Variants in LARGE1 observed in about 807,000 individuals in gnomAD.
LARGE1 encodes xylosyl- and glucuronyltransferase LARGE1.
LARGE1 carries 43 observed loss-of-function variants against 87.6 expected under a neutral mutation model. The ratio of observed to expected loss-of-function variants is 0.49; its 90% confidence interval spans 0.38 to 0.63. The LOEUF (loss-of-function observed/expected upper bound fraction) is 0.63. Ranked by LOEUF, LARGE1 falls within the 30% of genes least tolerant of loss-of-function variation. The probability of loss-of-function intolerance (pLI) is 0.00; values close to 1 mark genes in which losing one functional copy is unlikely to be tolerated. For missense variants in LARGE1, 802 were observed against 1,000.2 expected (o/e 0.80, Z 2.67); for synonymous variants, 434 against 394.6 (o/e 1.10, Z -1.18).
chr22:33,665,965 T>C (rs1421146751), intron 2 of LARGE1, among the ~76,000 whole-genome samples: 1 of 151,128 alleles, frequency 6.6e-6, no homozygotes, highest in Non-Finnish European at 1.5e-5. Flanking sequence ...TTGCAAGATT[T>C]ACTGCAAAAA....
chr22:33,580,617 G>A (rs888302097), intron 5 of LARGE1, among the ~76,000 whole-genome samples: 2 of 152,102 alleles, frequency 1.3e-5, no homozygotes, highest in African/African-American at 2.4e-5. Context: ...CCTTTATAAC[G>A]GCTGGTTTTG....
At chr22:33,888,219 A>C (rs927559454) in intron 1 of LARGE1, among the ~76,000 whole-genome samples, 9 of 152,186 alleles carry the variant, frequency 5.9e-5, no homozygotes, top group Admixed American at 5.2e-4. Context: ...GAAGATGCTT[A>C]TATTAATTTT....
chr22:33,217,979 G>C (rs1301666562), intron 11 of LARGE1, among the ~76,000 whole-genome samples: 1 of 151,806 alleles, frequency 6.6e-6, no homozygotes, highest in Non-Finnish European at 1.5e-5. Context: ...GCCCAGGCTG[G>C]AGTGGAGTGG....
chr22:33,858,257 G>A (rs1392012553), intron 1 of LARGE1, among the ~76,000 whole-genome samples: 1 of 152,206 alleles, frequency 6.6e-6, no homozygotes, highest in Non-Finnish European at 1.5e-5. Flanking sequence ...TGGATCCAGA[G>A]GGATGGAAGT....
At chr22:33,591,136 G>C (rs879575915) in intron 5 of LARGE1, among the ~76,000 whole-genome samples, 1 of 152,240 alleles carries the variant, frequency 6.6e-6, no homozygotes, top group Non-Finnish European at 1.5e-5. Context: ...GCGAGGCGGA[G>C]GTTGCAGTGA....
At chr22:33,243,520 C>A (rs369502486) in intron 11 of LARGE1, among the ~76,000 whole-genome samples, 1 of 152,140 alleles carries the variant, frequency 6.6e-6, no homozygotes, top group Non-Finnish European at 1.5e-5. Flanking sequence ...TAATGTCAGG[C>A]AATTTTTCTG....
chr22:33,797,540 CGGTGGTT>C (rs2086024719), intron 1 of LARGE1, among the ~76,000 whole-genome samples: 1 of 152,178 alleles, frequency 6.6e-6, no homozygotes, highest in South Asian at 2.1e-4. Flanking sequence ...GAGGAGCCAA[CGGTGGTT>C]GGAGGCAGAG....
chr22:33,618,210 T>C (rs939154495), intron 4 of LARGE1, among the ~76,000 whole-genome samples: 3 of 152,132 alleles, frequency 2.0e-5, no homozygotes, highest in African/African-American at 4.8e-5. Flanking sequence ...CCAAGTGCCT[T>C]TGATGATATG....
intron 7 of LARGE1, among the ~76,000 whole-genome samples, chr22:33,394,116 G>A (rs1232777404): frequency 6.7e-6 from 1 of 148,334 alleles, no homozygotes; most frequent in Non-Finnish European, 1.5e-5. Flanking sequence ...TAAACAGGGT[G>A]ACAATGATGA....
intron 6 of LARGE1, among the ~76,000 whole-genome samples, chr22:33,435,071 G>A (rs117360642): frequency 0.011 from 1,621 of 152,208 alleles, 16 homozygotes; most frequent in Non-Finnish European, 0.015. Flanking sequence ...GCGCCATCTC[G>A]GCTCACTGCA....
At chr22:33,297,895 G>A (rs918820133) in intron 12 of LARGE1, among the ~76,000 whole-genome samples, 11 of 148,180 alleles carry the variant, frequency 7.4e-5, no homozygotes, top group African/African-American at 2.5e-4. Flanking sequence ...CAGGAGAATC[G>A]CTTGAACCCG....
chr22:33,328,352 T>C (rs185371398), intron 10 of LARGE1, among the ~76,000 whole-genome samples: 7,093 of 151,972 alleles, frequency 0.047, 284 homozygotes, highest in African/African-American at 0.12. Context: ...GAGGCTGAGG[T>C]GGGTGGATCA....
the LARGE1 span, among the ~76,000 whole-genome samples, chr22:33,143,548 A>G: frequency 6.6e-6 from 1 of 152,296 alleles, no homozygotes; most frequent in African/African-American, 2.4e-5. Flanking sequence ...TCATAATAAA[A>G]TTAACCCATT....
At chr22:33,302,375 TCG>T (rs1162131394) in intron 12 of LARGE1, among the ~76,000 whole-genome samples, 3 of 151,904 alleles carry the variant, frequency 2.0e-5, no homozygotes, top group Admixed American at 2.0e-4. Flanking sequence ...TGCCTAGGGG[TCG>T]CTGACCCTAC....
At chr22:33,833,915 G>A (rs1431824213) in intron 1 of LARGE1, among the ~76,000 whole-genome samples, 1 of 152,074 alleles carries the variant, frequency 6.6e-6, no homozygotes, top group Non-Finnish European at 1.5e-5. Context: ...TCGAACTCCT[G>A]ACCTCAGGTT....
At chr22:33,470,066 T>C (rs1023743578) in intron 6 of LARGE1, among the ~76,000 whole-genome samples, 2 of 151,202 alleles carry the variant, frequency 1.3e-5, no homozygotes, top group African/African-American at 4.8e-5. Context: ...ATTTTTTGTA[T>C]TTTTTAGTAG....
intron 4 of LARGE1, among the ~76,000 whole-genome samples, chr22:33,611,426 A>G (rs2079426857): frequency 6.6e-6 from 1 of 152,214 alleles, no homozygotes; most frequent in African/African-American, 2.4e-5. Context: ...TTTAAGACTT[A>G]ATGACTGCCC....
chr22:33,604,802 GAC>G (rs752372148), intron 4 of LARGE1, among the ~76,000 whole-genome samples: 194 of 152,204 alleles, frequency 1.3e-3, no homozygotes, highest in Non-Finnish European at 2.0e-3. Flanking sequence ...AATCACTACT[GAC>G]ACCCAATTCA....
chr22:33,274,411 G>T lies in LARGE1; in HGVS notation c.*16C>A. On this transcript the variant is annotated 3_prime_UTR_variant, in exon 15 of 15. Coordinates refer to ENST00000397394, the MANE Select transcript of LARGE1 (RefSeq NM_133642.5). Reference sequence around the variant, plus strand: ...CCCCTACAGCATGTCTCCCCCTAGTGGTGGGCTTCTTGGTGCTAGCTGTTG... The same window carrying T: ...CCCCTACAGCATGTCTCCCCCTAGTTGTGGGCTTCTTGGTGCTAGCTGTTG... 1.2e-6 allele frequency: 2 copies of T among 1,613,578 alleles called. No homozygotes were observed. The highest frequency in any genetic ancestry group is 2.2e-5 in the South Asian group (2 of 91,076).
Sources: allele counts gnomAD v4.1 joint callset (sites outside exome capture counted in the v4.1 genomes callset), GRCh38; gene constraint gnomAD v4.1.1; transcripts MANE v1.5; gene names NCBI Gene and HGNC (gene_info 2026-07-23, HGNC 2026-07-21).